DLGAP1: variants seen among roughly 807,000 people sequenced by gnomAD.
DLGAP1 encodes the protein DLG associated protein 1, also known as disks large-associated protein 1.
Under a neutral mutation model 90.8 loss-of-function variants are expected in DLGAP1, and 11 were observed. The ratio of observed to expected loss-of-function variants is 0.12; its 90% CI spans 0.08 to 0.20. DLGAP1 has a LOEUF of 0.20. Among genes scored for constraint, DLGAP1 ranks in the 10% least tolerant of loss-of-function variants. The pLI is 1.00. For missense variants in DLGAP1, 1,050 were observed against 1,333.8 expected, an observed-to-expected ratio of 0.79 and a Z score of 3.31; for synonymous variants, 558 against 540.7, an observed-to-expected ratio of 1.03 and a Z score of -0.44.
At chr18:3,507,374 G>C (rs2050292652) in intron 11 of DLGAP1, among the ~76,000 whole-genome samples, 1 of 124,866 alleles carries the variant, frequency 8.0e-6, no homozygotes, top group South Asian at 3.0e-4. Context: ...AAAATTAGCT[G>C]GGCATGGTGG....
In DLGAP1 at chr18:4,295,037, T is replaced by TAAAC. The variant is rs2079943292; in HGVS notation, c.-266-143751_-266-143750insGTTT. The TAAAC allele has an allele frequency of 2.0e-5, 3 of 152,398 alleles. No homozygotes were observed. The South Asian group carries it at 6.2e-4, about 32-fold the overall frequency. The allele number at this position is 152,398 out of a possible 1,614,324, so 9.4% of individuals were successfully genotyped here. On this transcript the variant is annotated intron_variant, in intron 1 of 12. Transcript: ENST00000315677. ...GCTCCTGGAGCCTGGGGTTCGGAGTTTATACGGGTACAGGACAGGGTGTGT... is the reference window on the plus strand; with the variant it reads ...GCTCCTGGAGCCTGGGGTTCGGAGTTAAACTATACGGGTACAGGACAGGGTGTGT...
chr18:4,253,070 C>T (rs898924900), intron 1 of DLGAP1, among the ~76,000 whole-genome samples: 2 of 152,176 alleles, frequency 1.3e-5, no homozygotes, highest in Non-Finnish European at 2.9e-5. Context: ...TGCGGTGTTA[C>T]GTAGCTGTAT....
chr18:3,865,027 T>C (rs2070304112), intron 4 of DLGAP1, among the ~76,000 whole-genome samples: 1 of 151,988 alleles, frequency 6.6e-6, no homozygotes, highest in South Asian at 2.1e-4. Flanking sequence ...TGGTTCACAG[T>C]AGGCTGAGAG....
chr18:4,204,639 T>C (rs1463339729), intron 1 of DLGAP1, among the ~76,000 whole-genome samples: 2 of 152,142 alleles, frequency 1.3e-5, no homozygotes, highest in East Asian at 1.9e-4. Flanking sequence ...TTGAAAGATA[T>C]ATGGTGTGCT....
chr18:4,353,592 T>C (rs2081443821), intron 1 of DLGAP1, among the ~76,000 whole-genome samples: 1 of 152,092 alleles, frequency 6.6e-6, no homozygotes, highest in Non-Finnish European at 1.5e-5. Flanking sequence ...CAAATTTGGC[T>C]TAGAGAAAAC....
At chr18:3,852,475 C>T (rs1253823964) in intron 4 of DLGAP1, among the ~76,000 whole-genome samples, 4 of 152,136 alleles carry the variant, frequency 2.6e-5, no homozygotes, top group African/African-American at 9.7e-5. Context: ...CAGCTTTGAG[C>T]CTGCCAGGAT....
intron 7 of DLGAP1, among the ~76,000 whole-genome samples, chr18:3,616,325 T>C (rs527394777): frequency 6.6e-6 from 1 of 152,286 alleles, no homozygotes; most frequent in South Asian, 2.1e-4. Context: ...GACTACTCTA[T>C]CACTGTGGCA....
intron 1 of DLGAP1, among the ~76,000 whole-genome samples, chr18:4,272,190 G>A (rs1401155017): frequency 6.6e-6 from 1 of 152,120 alleles, no homozygotes; most frequent in Non-Finnish European, 1.5e-5. Context: ...TTAGAACTGC[G>A]TAATTCTTTG....
At chr18:4,103,269 G>A (rs1218202784) in intron 2 of DLGAP1, among the ~76,000 whole-genome samples, 1 of 152,156 alleles carries the variant, frequency 6.6e-6, no homozygotes, top group Non-Finnish European at 1.5e-5. Context: ...TAACTGTAGA[G>A]GAACTGGTAT....
chr18:3,577,789 A>C (rs2055244129), intron 8 of DLGAP1, among the ~76,000 whole-genome samples: 1 of 152,228 alleles, frequency 6.6e-6, no homozygotes. Context: ...AAATATTGGC[A>C]AATGGCATCT....
intron 4 of DLGAP1, among the ~76,000 whole-genome samples, chr18:3,844,250 A>T (rs748446111): frequency 1.3e-5 from 2 of 152,240 alleles, no homozygotes; most frequent in Non-Finnish European, 1.5e-5. Context: ...TTGTGAACCT[A>T]AAGTCTCTGA....
intron 1 of DLGAP1, among the ~76,000 whole-genome samples, chr18:4,207,281 T>C (rs1221668981): frequency 1.3e-5 from 2 of 151,978 alleles, no homozygotes; most frequent in African/African-American, 2.4e-5. Context: ...AGAAGAAGAA[T>C]GACAGCCAAG....
chr18:3,646,869 G>A lies in DLGAP1; in HGVS notation c.1592-64621C>T, dbSNP rs188024100. 6.6e-5 allele frequency among the ~76,000 whole-genome samples: 10 copies of A among 152,192 alleles called. No individual in the cohort carries two copies. In the East Asian group the frequency reaches 1.9e-3, roughly 29 times the overall value. ...GAACCCGGGAGGCGGAGCTTGCAGT[G>A]AGCCAAGATCGAACTACTGCACTTC... On this transcript the variant is annotated intron_variant, in intron 7 of 12. Transcript: ENST00000315677.
intron 7 of DLGAP1, among the ~76,000 whole-genome samples, chr18:3,644,393 C>CTATTT (rs1400765390): frequency 2.0e-5 from 3 of 148,072 alleles, no homozygotes; most frequent in African/African-American, 5.3e-5. Flanking sequence ...GTTTACAATA[C>CTATTT]TATTTTATTT....
chr18:4,348,781 C>T (rs1193382681), intron 1 of DLGAP1, among the ~76,000 whole-genome samples: 1 of 151,722 alleles, frequency 6.6e-6, no homozygotes, highest in Admixed American at 6.6e-5. Context: ...ATGAGAGCAA[C>T]AAACTAAATG....
chr18:4,102,068 A>C (rs1655066560), intron 2 of DLGAP1, among the ~76,000 whole-genome samples: 1 of 152,118 alleles, frequency 6.6e-6, no homozygotes, highest in African/African-American at 2.4e-5. Flanking sequence ...TATATGCTTT[A>C]AAAGGACTGC....
chr18:3,626,065 G>C (rs183528542), intron 7 of DLGAP1, among the ~76,000 whole-genome samples: 2 of 152,278 alleles, frequency 1.3e-5, no homozygotes. Flanking sequence ...GGAGGCTGAG[G>C]CAGGAGGATC....
At chr18:3,640,417 C>T (rs2058895064) in intron 7 of DLGAP1, among the ~76,000 whole-genome samples, 1 of 152,210 alleles carries the variant, frequency 6.6e-6, no homozygotes, top group African/African-American at 2.4e-5. Context: ...CCAGGAAAGT[C>T]AGGACCTGCT....
chr18:3,933,159 C>T (rs1162269799), intron 3 of DLGAP1, among the ~76,000 whole-genome samples: 3 of 152,224 alleles, frequency 2.0e-5, no homozygotes, highest in Non-Finnish European at 4.4e-5. Flanking sequence ...AGACTTAGGA[C>T]TTCTAACTTC....
Sources: gnomAD v4.1 joint callset for allele counts (sites outside exome capture counted in the v4.1 genomes callset) on GRCh38, gnomAD v4.1.1 for gene constraint, MANE v1.5 for transcripts, NCBI Gene and HGNC (gene_info 2026-07-23, HGNC 2026-07-21) for gene names.